Variants in NRXN3 observed in about 807,000 individuals in gnomAD.
NRXN3 encodes neurexin III.
Under a neutral mutation model 137.6 loss-of-function variants are expected in NRXN3, and 32 were observed. The ratio of observed to expected loss-of-function variants is 0.23; its 90% CI spans 0.18 to 0.31. The LOEUF is 0.31. Ranked by LOEUF, NRXN3 falls within the 10% of genes least tolerant of loss-of-function variation. The probability of loss-of-function intolerance (pLI) is 1.00; values close to 1 mark genes in which losing one functional copy is unlikely to be tolerated. For missense variants in NRXN3, 1,574 were observed against 2,062.5 expected (o/e 0.76, Z 4.59); for synonymous variants, 798 against 784.5 (o/e 1.02, Z -0.29).
At chr14:78,393,798 A>G (rs992614421) in intron 4 of NRXN3, among the ~76,000 whole-genome samples, 8 of 151,986 alleles carry the variant, frequency 5.3e-5, no homozygotes, top group Admixed American at 2.0e-4. Context: ...TAAACATTCC[A>G]TAGTTTTCAG....
intron 19 of NRXN3, among the ~76,000 whole-genome samples, chr14:79,723,448 C>A (rs2154065798): frequency 6.6e-6 from 1 of 152,222 alleles, no homozygotes; most frequent in Non-Finnish European, 1.5e-5. Context: ...CGCATTGTAG[C>A]GTCTTAGATG....
At chr14:79,814,486 A>AT (rs370560996) in intron 20 of NRXN3, among the ~76,000 whole-genome samples, 1 of 152,380 alleles carries the variant, frequency 6.6e-6, no homozygotes, top group African/African-American at 2.4e-5. Flanking sequence ...TCTGGAAGTC[A>AT]TAAGTTGTAC....
intron 15 of NRXN3, among the ~76,000 whole-genome samples, chr14:79,230,476 G>A (rs1401714997): frequency 6.6e-6 from 1 of 152,120 alleles, no homozygotes; most frequent in Non-Finnish European, 1.5e-5. Context: ...AGTAAGTGAG[G>A]CATCAATCTA....
intron 6 of NRXN3, among the ~76,000 whole-genome samples, chr14:78,691,140 G>C (rs1209048241): frequency 6.6e-6 from 1 of 152,130 alleles, no homozygotes; most frequent in Non-Finnish European, 1.5e-5. Context: ...AGAAATGCCA[G>C]CTATTGCACA....
At chr14:78,551,640 C>T (rs551486071) in intron 4 of NRXN3, among the ~76,000 whole-genome samples, 1 of 150,002 alleles carries the variant, frequency 6.7e-6, no homozygotes, top group African/African-American at 2.5e-5. Flanking sequence ...CCCCTTTCTC[C>T]TTCCTTCTTT....
intron 8 of NRXN3, among the ~76,000 whole-genome samples, chr14:78,753,195 T>G (rs2098651328): frequency 6.6e-6 from 1 of 152,172 alleles, no homozygotes; most frequent in South Asian, 2.1e-4. Flanking sequence ...ATGGATGGGT[T>G]CTCATTTCCC....
rs370965235 is a variant in NRXN3, at chr14:79,625,873, G to A, written c.3445-37905G>A. Among the ~76,000 whole-genome samples the A allele has an allele frequency of 7.9e-5, 12 of 152,268 alleles. No individual in the cohort carries two copies. The South Asian group carries it at 8.3e-4, about 11-fold the overall frequency. On this transcript the variant is annotated intron_variant, in intron 16 of 20. Coordinates refer to ENST00000335750, the MANE Select transcript of NRXN3 (RefSeq NM_001330195.2). ...CTTTCCAGCTCTGTAGACTTGGGCCGGCAACTGAGCCTCTTTCACCCATAG... is the reference window on the plus strand; with the variant it reads ...CTTTCCAGCTCTGTAGACTTGGGCCAGCAACTGAGCCTCTTTCACCCATAG...
intron 4 of NRXN3, among the ~76,000 whole-genome samples, chr14:78,437,003 C>T (rs1432693107): frequency 6.6e-6 from 1 of 152,216 alleles, no homozygotes; most frequent in Non-Finnish European, 1.5e-5. Context: ...GTTAGTTCTG[C>T]AGCCTTCAGC....
intron 15 of NRXN3, among the ~76,000 whole-genome samples, chr14:79,056,870 G>A (rs988925302): frequency 6.6e-6 from 1 of 152,078 alleles, no homozygotes; most frequent in Non-Finnish European, 1.5e-5. Flanking sequence ...GTCAGCTCCA[G>A]TAAATTGTTG....
intron 8 of NRXN3, among the ~76,000 whole-genome samples, chr14:78,762,627 C>T (rs79657891): frequency 0.09 from 13,680 of 152,028 alleles, 693 homozygotes; most frequent in South Asian, 0.15. Flanking sequence ...GTCCAAAGGG[C>T]GGGGGAAGAA....
At chr14:79,467,720 A>G (rs778499061) in intron 16 of NRXN3, among the ~76,000 whole-genome samples, 15 of 152,258 alleles carry the variant, frequency 9.9e-5, no homozygotes, top group African/African-American at 3.6e-4. Context: ...CCTGGTGTGG[A>G]TCTTACCTGG....
At position 79,546,690 on chromosome 14, in the gene NRXN3, G is replaced by A. The variant is rs569244400; in HGVS notation, c.3444+79288G>A. On this transcript the variant is annotated intron_variant, in intron 16 of 20. Coordinates refer to ENST00000335750, the MANE Select transcript of NRXN3 (RefSeq NM_001330195.2). Reference sequence around the variant, plus strand: ...CAATATGAGTCTCCCAACTGCTAGCGCAAGTGGTGGATAGATTTTCTTTTC... The same window carrying A: ...CAATATGAGTCTCCCAACTGCTAGCACAAGTGGTGGATAGATTTTCTTTTC... Among the ~76,000 whole-genome samples, 10 of 152,226 alleles carry A rather than the reference G, an allele frequency of 6.6e-5. No individual in the cohort carries two copies. In the South Asian group the frequency reaches 1.5e-3, roughly 22 times the overall value.
At chr14:78,652,802 T>C (rs926229637) in intron 6 of NRXN3, among the ~76,000 whole-genome samples, 2 of 152,224 alleles carry the variant, frequency 1.3e-5, no homozygotes, top group Non-Finnish European at 2.9e-5. Context: ...AGTACCTTTT[T>C]TGTGCTGTAA....
chr14:78,732,887 C>T (rs2098523143), intron 8 of NRXN3, among the ~76,000 whole-genome samples: 1 of 152,104 alleles, frequency 6.6e-6, no homozygotes, highest in Non-Finnish European at 1.5e-5. Flanking sequence ...TCTCTAGGAG[C>T]AGTAAGGAAT....
chr14:78,550,997 G>C (rs956664474), intron 4 of NRXN3, among the ~76,000 whole-genome samples: 2 of 152,208 alleles, frequency 1.3e-5, no homozygotes, highest in Admixed American at 1.3e-4. Flanking sequence ...CCTTGTGTAA[G>C]CTTTTAATCT....
At chr14:79,655,290 C>T (rs981073124) in intron 16 of NRXN3, among the ~76,000 whole-genome samples, 15 of 152,192 alleles carry the variant, frequency 9.9e-5, no homozygotes, top group Admixed American at 6.5e-4. Flanking sequence ...AGACCTGCCA[C>T]TTTCTGGCTC....
intron 15 of NRXN3, among the ~76,000 whole-genome samples, chr14:79,412,219 G>T (rs911433458): frequency 7.2e-5 from 11 of 152,068 alleles, no homozygotes; most frequent in African/African-American, 2.7e-4. Context: ...TTGAATTTAT[G>T]TGTGCCTAAA....
chr14:79,064,392 C>A (rs2099678063), intron 15 of NRXN3, among the ~76,000 whole-genome samples: 1 of 152,016 alleles, frequency 6.6e-6, no homozygotes, highest in Admixed American at 6.6e-5. Context: ...ATAGTTCTCA[C>A]TTCTCCTTTC....
chr14:79,365,725 CAAAAAAAAAAAAAAAAAAAGAAAAAA>C (rs1257409229), intron 15 of NRXN3, among the ~76,000 whole-genome samples: 2 of 42,408 alleles, frequency 4.7e-5, no homozygotes, highest in African/African-American at 9.7e-5. Flanking sequence ...GACTCTGTCT[CAAAAAAAAAAAAAAAAAAAGAAAAAA>C]AAGAAGAGTT....
Sources: allele counts gnomAD v4.1 joint callset (sites outside exome capture counted in the v4.1 genomes callset), GRCh38; gene constraint gnomAD v4.1.1; transcripts MANE v1.5; gene names NCBI Gene and HGNC (gene_info 2026-07-23, HGNC 2026-07-21).